Variants in POU2AF2 observed in about 807,000 individuals in gnomAD.
The protein encoded by POU2AF2 is POU class 2 homeobox associating factor 2.
At chr11:111,247,648 G>T in the POU2AF2 span, among the ~76,000 whole-genome samples, 3 of 151,698 alleles carry the variant, frequency 2.0e-5, no homozygotes, top group East Asian at 2.0e-4. Context: ...TTAGCTTGGC[G>T]TGGTGGCGGG....
the POU2AF2 span, among the ~76,000 whole-genome samples, chr11:111,264,504 GA>G: frequency 1.4e-4 from 2 of 14,182 alleles, no homozygotes; most frequent in African/African-American, 4.6e-4. Context: ...AAGAAAGAAA[GA>G]AAGAAAGAAA....
the POU2AF2 span, among the ~76,000 whole-genome samples, chr11:111,250,870 T>C: frequency 6.6e-6 from 1 of 152,216 alleles, no homozygotes; most frequent in Admixed American, 6.5e-5. Flanking sequence ...AGAAGTATTC[T>C]TGGGGCACTT....
At chr11:111,256,885 T>C in the POU2AF2 span, among the ~76,000 whole-genome samples, 1 of 152,220 alleles carries the variant, frequency 6.6e-6, no homozygotes, top group Non-Finnish European at 1.5e-5. Context: ...AAAAAAATCT[T>C]CTGTGTAACA....
At chr11:111,286,010 G>C in the POU2AF2 span, 1 of 1,613,762 alleles carries the variant, frequency 6.2e-7, no homozygotes, top group African/African-American at 1.3e-5. Flanking sequence ...GAAAGAAGAT[G>C]GGAGTATTGC....
At chr11:111,253,360 T>C in the POU2AF2 span, among the ~76,000 whole-genome samples, 1 of 152,220 alleles carries the variant, frequency 6.6e-6, no homozygotes. Flanking sequence ...TGCCACCATG[T>C]GACTTTATCT....
the POU2AF2 span, chr11:111,286,173 T>C: frequency 8.7e-6 from 10 of 1,154,812 alleles, no homozygotes; most frequent in South Asian, 1.3e-4. Context: ...TGCTGCTCTT[T>C]GTTAGTGGAC....
the POU2AF2 span, among the ~76,000 whole-genome samples, chr11:111,269,554 G>T: frequency 6.6e-6 from 1 of 151,988 alleles, no homozygotes; most frequent in Non-Finnish European, 1.5e-5. Flanking sequence ...AATAATTCCT[G>T]GTGGTGAATT....
At chr11:111,266,747 G>A in the POU2AF2 span, among the ~76,000 whole-genome samples, 1 of 152,174 alleles carries the variant, frequency 6.6e-6, no homozygotes, top group African/African-American at 2.4e-5. Context: ...ATCAACACAA[G>A]CATGGCAGCT....
the POU2AF2 span, among the ~76,000 whole-genome samples, chr11:111,275,003 A>G: frequency 3.3e-5 from 5 of 152,222 alleles, no homozygotes; most frequent in African/African-American, 1.2e-4. Flanking sequence ...ATGAGATGAT[A>G]CATATAACAC....
chr11:111,263,051 A>C, the POU2AF2 span, among the ~76,000 whole-genome samples: 5 of 152,162 alleles, frequency 3.3e-5, no homozygotes, highest in Non-Finnish European at 7.4e-5. Context: ...AAGCTGCTAA[A>C]ATCTACTTAT....
chr11:111,268,476 T>TA, the POU2AF2 span, among the ~76,000 whole-genome samples: 1 of 88,558 alleles, frequency 1.1e-5, no homozygotes, highest in African/African-American at 3.0e-5. Flanking sequence ...ACATTTTTCT[T>TA]TTTTTATTTT....
chr11:111,284,825 C>T, the POU2AF2 span, among the ~76,000 whole-genome samples: 1 of 152,276 alleles, frequency 6.6e-6, no homozygotes, highest in South Asian at 2.1e-4. Flanking sequence ...CCCCTGCCTC[C>T]CCTTCCCCAC....
the POU2AF2 span, chr11:111,285,596 T>TG: frequency 1.9e-6 from 3 of 1,555,490 alleles, no homozygotes; most frequent in Non-Finnish European, 2.6e-6. Context: ...CAGCACACAA[T>TG]GTATCATCAG....
At chr11:111,270,623 T>C in the POU2AF2 span, among the ~76,000 whole-genome samples, 3 of 152,204 alleles carry the variant, frequency 2.0e-5, no homozygotes, top group Admixed American at 2.0e-4. Flanking sequence ...TTAAGTCATA[T>C]AAAAAGTAGG....
At chr11:111,263,073 C>A in the POU2AF2 span, among the ~76,000 whole-genome samples, 1 of 152,118 alleles carries the variant, frequency 6.6e-6, no homozygotes, top group Non-Finnish European at 1.5e-5. Flanking sequence ...TAACAAAAAT[C>A]CCTAACACAA....
At chr11:111,258,588 C>T in the POU2AF2 span, among the ~76,000 whole-genome samples, 33 of 152,258 alleles carry the variant, frequency 2.2e-4, 3 homozygotes, top group African/African-American at 3.4e-4. Flanking sequence ...TATCAAGTCA[C>T]GGATTTTGTT....
At chr11:111,247,112 T>C in the POU2AF2 span, among the ~76,000 whole-genome samples, 1 of 151,956 alleles carries the variant, frequency 6.6e-6, no homozygotes, top group Non-Finnish European at 1.5e-5. Context: ...GTCCTCCACT[T>C]CCAGCCAAGT....
At chr11:111,264,535 A>G in the POU2AF2 span, among the ~76,000 whole-genome samples, 1 of 67,884 alleles carries the variant, frequency 1.5e-5, no homozygotes, top group Non-Finnish European at 3.0e-5. Flanking sequence ...AAAGAAAGAA[A>G]GAAAGAAAGA....
the POU2AF2 span, among the ~76,000 whole-genome samples, chr11:111,283,031 C>T: frequency 4.6e-5 from 7 of 151,688 alleles, no homozygotes; most frequent in South Asian, 1.5e-3. Context: ...TCTGTCCCTC[C>T]CTCTCTCCAC....
Sources: allele counts gnomAD v4.1 joint callset (sites outside exome capture counted in the v4.1 genomes callset), GRCh38; gene constraint gnomAD v4.1.1; transcripts MANE v1.5; gene names NCBI Gene and HGNC (gene_info 2026-07-23, HGNC 2026-07-21).